Variants in PCDHGC5 observed in about 807,000 individuals in gnomAD.
The protein encoded by PCDHGC5 is protocadherin gamma-C5.
In PCDHGC5, 25 loss-of-function variants were observed where a neutral mutation model predicts 59.0. The ratio of observed to expected loss-of-function variants is 0.42; its 90% confidence interval spans 0.31 to 0.59. PCDHGC5 has a LOEUF of 0.59. PCDHGC5 is among the 20% of genes least tolerant of loss of function. The probability of loss-of-function intolerance (pLI) is 0.13; values close to 1 mark genes in which losing one functional copy is unlikely to be tolerated. For synonymous variants in PCDHGC5, 434 were observed against 505.5 expected (o/e 0.86, Z 1.90); for missense variants, 1,067 against 1,206.4 (o/e 0.88, Z 1.71).
chr5:141,489,425 G>T lies in PCDHGC5; in HGVS notation c.185G>T (p.Arg62Leu), dbSNP rs779739693. 6.2e-7 allele frequency: 1 copy of T among 1,614,118 alleles called. No homozygotes were observed. The highest frequency in any genetic ancestry group is 8.5e-7 in the Non-Finnish European group (1 of 1,180,030). The stretch of plus-strand genomic sequence containing the variant: ...TTAAAGATGACAGATCTGTTGAGCC[G>T]GCGGCTGCAATTGGGCTCTGAGGAG... Reference protein sequence around the residue: ...LGLKMTDLLSRRLQLGSEENG... With the variant: ...LGLKMTDLLSLRLQLGSEENG... Residue 62 changes from arginine to leucine, a missense_variant, in exon 1 of 4, where the codon CGG becomes CTG. Arg to Leu is a moderately radical substitution (Grantham distance 102, BLOSUM62 -2). Transcript: ENST00000252087. This position sits in a 1 kb window ranked among gnomAD's most constrained non-coding sequence, Gnocchi z 4.5.
At position 141,494,854 on chromosome 5, in the gene PCDHGC5, C is replaced by T. The variant is rs1353498253; in HGVS notation, c.2508C>T (p.Pro836=). ...TDWRFSQAQR[P]GTSGSQNGDD... The stretch of plus-strand genomic sequence containing the variant: ...GGCGTTTCTCTCAGGCCCAGAGACC[C>T]GGCACCAGCGGGTAGGTGACTGATT... The change falls in exon 2 of 4, where the codon CCC becomes CCT. Residue 836 remains proline (P), a synonymous_variant. Coordinates refer to ENST00000252087, the MANE Select transcript of PCDHGC5 (RefSeq NM_018929.3). 1.2e-6 allele frequency: 2 copies of T among 1,614,120 alleles called. No homozygotes were observed. Among genetic ancestry groups the T allele is most frequent in the East Asian group, 2.2e-5 (1 of 44,870 alleles).
At position 141,510,228 on chromosome 5, in the gene PCDHGC5, G is replaced by A. The variant is rs529723748; in HGVS notation, c.2609-719G>A. The stretch of plus-strand genomic sequence containing the variant: ...GCAGAGGTTGCAGTGAGCCGGGATC[G>A]CGCCACTGCACTCCAGGCTGGGCGA... On this transcript the variant is annotated intron_variant, in intron 3 of 3. Coordinates refer to ENST00000252087, the MANE Select transcript of PCDHGC5 (RefSeq NM_018929.3). Among the ~76,000 whole-genome samples the A allele has an allele frequency of 1.4e-3, 208 of 150,722 alleles. 1 individual carries two copies. Among genetic ancestry groups the A allele is most frequent in the African/African-American group, 4.7e-3 (193 of 40,860 alleles).
rs2233605 is a variant in PCDHGC5 at position 141,490,412 on chromosome 5, C to A, written c.1172C>A (p.Pro391Gln). ...GGTGAAGTGAGCCTTGATATCTCTC[C>A]GGACCTGCCATTTCAGATTAAGCCT... ...RNGEVSLDIS[P>Q]DLPFQIKPSE... is the part of the protein sequence containing the mutation. Residue 391 changes from proline (P) to glutamine (Q), a missense_variant, in exon 1 of 4, where the codon CCG becomes CAG. Transcript: ENST00000252087. This position sits in a 1 kb window ranked among gnomAD's most constrained non-coding sequence, Gnocchi z 5.4. 1.3e-4 allele frequency: 203 copies of A among 1,614,064 alleles called. 1 individual carries two copies. The highest frequency in any genetic ancestry group is 3.5e-4 in the South Asian group (32 of 91,086).
intron 1 of PCDHGC5, among the ~76,000 whole-genome samples, chr5:141,492,781 T>C (rs945023154): frequency 9.9e-5 from 15 of 152,194 alleles, no homozygotes; most frequent in African/African-American, 3.6e-4. Flanking sequence ...TGAGTGAGCC[T>C]CTATAGGACA....
chr5:141,495,545 A>G (rs1174346915), intron 2 of PCDHGC5, among the ~76,000 whole-genome samples: 3 of 151,824 alleles, frequency 2.0e-5, no homozygotes, highest in Non-Finnish European at 4.4e-5. Flanking sequence ...CTCAGTCTCT[A>G]TCTCGCTTTG....
chr5:141,489,915 C>T lies in PCDHGC5; in HGVS notation c.675C>T (p.Thr225=), dbSNP rs971312502. Residue 225 remains threonine, a synonymous_variant, in exon 1 of 4, where the codon ACC becomes ACT. Coordinates refer to ENST00000252087, the MANE Select transcript of PCDHGC5 (RefSeq NM_018929.3). This position sits in a 1 kb window ranked among gnomAD's most constrained non-coding sequence, Gnocchi z 4.5. The part of the protein sequence containing the change: ...VDGGTPARSG[T]TLISVIVLDI... ...GGGGGACCCCAGCCCGCTCAGGGAC[C>T]ACCCTTATCTCTGTCATCGTGCTGG... The T allele has an allele frequency of 6.2e-7, 1 of 1,614,242 alleles. No individual in the cohort carries two copies. Among genetic ancestry groups the T allele is most frequent in the Non-Finnish European group, 8.5e-7 (1 of 1,180,044 alleles).
chr5:141,493,908 G>A lies in PCDHGC5; in HGVS notation c.2461-899G>A, dbSNP rs1308946115. ...CTAGGAGTGCTCCATGAGAGTGTGT[G>A]ATGGGATAACACACCCCCTGGAAAG... On this transcript the variant is annotated intron_variant, in intron 1 of 3. Transcript: ENST00000252087. This position sits in a 1 kb window ranked among gnomAD's most constrained non-coding sequence, Gnocchi z 4.3. Among the ~76,000 whole-genome samples the A allele has an allele frequency of 6.6e-6, 1 of 152,208 alleles. No homozygotes were observed. The highest frequency in any genetic ancestry group is 1.5e-5 in the Non-Finnish European group (1 of 68,032).
At position 141,511,108 on chromosome 5, in the gene PCDHGC5, G is replaced by A; in HGVS notation, c.2770G>A (p.Asp924Asn). The A allele has an allele frequency of 6.2e-7, 1 of 1,614,244 alleles. No homozygotes were observed. The highest frequency in any genetic ancestry group is 2.2e-5 in the East Asian group (1 of 44,882). Residue 924 changes from aspartate (D) to asparagine (N), a missense_variant, in exon 4 of 4, where the codon GAT (aspartate) becomes AAT (asparagine). Physicochemically the swap from Asp to Asn is conservative, Grantham distance 23. Coordinates refer to ENST00000252087, the MANE Select transcript of PCDHGC5 (RefSeq NM_018929.3). ...ATLTNAAGKR[D>N]GKAPAGGNGN... Reference sequence around the variant, plus strand: ...ACTGACCAACGCAGCTGGCAAGCGGGATGGCAAGGCCCCAGCAGGTGGCAA... The same window carrying A: ...ACTGACCAACGCAGCTGGCAAGCGGAATGGCAAGGCCCCAGCAGGTGGCAA...
At chr5:141,506,668 C>A (rs2099855518) in intron 3 of PCDHGC5, among the ~76,000 whole-genome samples, 1 of 152,100 alleles carries the variant, frequency 6.6e-6, no homozygotes, top group Admixed American at 6.6e-5. Context: ...AGTAAGGGCA[C>A]AATATATTAT....
chr5:141,493,694 G>A lies in PCDHGC5; in HGVS notation c.2461-1113G>A, dbSNP rs929897875. On this transcript the variant is annotated intron_variant, in intron 1 of 3. Transcript: ENST00000252087. This position sits in a 1 kb window ranked among gnomAD's most constrained non-coding sequence, Gnocchi z 4.3. ...CCCCAGAATGGTGCTGGTGACTCCC[G>A]ATACACCTGGAATGCTAGGTTTCTG... Among the ~76,000 whole-genome samples the A allele has an allele frequency of 5.9e-5, 9 of 152,130 alleles. No individual in the cohort carries two copies. Among genetic ancestry groups the A allele is most frequent in the African/African-American group, 9.7e-5 (4 of 41,404 alleles).
At chr5:141,499,300 C>G (rs2154592463) in intron 2 of PCDHGC5, among the ~76,000 whole-genome samples, 1 of 152,292 alleles carries the variant, frequency 6.6e-6, no homozygotes, top group South Asian at 2.1e-4. Context: ...ACTACCATCC[C>G]TCCTCTGAGA....
chr5:141,497,104 T>C (rs757158984), intron 2 of PCDHGC5, among the ~76,000 whole-genome samples: 44 of 151,910 alleles, frequency 2.9e-4, no homozygotes, highest in Non-Finnish European at 5.9e-4. Context: ...CAGAACTGCT[T>C]GAACCCGGAA....
At chr5:141,497,284 A>G (rs1486878285) in intron 2 of PCDHGC5, among the ~76,000 whole-genome samples, 1 of 152,104 alleles carries the variant, frequency 6.6e-6, no homozygotes, top group South Asian at 2.1e-4. Context: ...TGTTCCCTCT[A>G]CCTACCACCA....
chr5:141,497,831 C>T (rs1336808833), intron 2 of PCDHGC5, among the ~76,000 whole-genome samples: 1 of 152,162 alleles, frequency 6.6e-6, no homozygotes, highest in Non-Finnish European at 1.5e-5. Flanking sequence ...TGATCGCCCC[C>T]GGCCACAACA....
chr5:141,511,695 C>A lies in PCDHGC5; in HGVS notation c.*522C>A, dbSNP rs1009832192. The A allele has an allele frequency of 9.7e-5, 19 of 195,544 alleles. No individual in the cohort carries two copies. The highest frequency in any genetic ancestry group is 1.7e-4 in the Non-Finnish European group (16 of 92,634). 12.1% of individuals were successfully genotyped at this position (195,544 alleles called of 1,614,324 possible). A position where few individuals can be genotyped will look rare whatever the true frequency, so the allele number is the denominator to read the frequency against. On this transcript the variant is annotated 3_prime_UTR_variant, in exon 4 of 4. Transcript: ENST00000252087. ...CTTCCCCCAAAGCATGGTTTGGTGC[C>A]AGCCCCTTCACCTCCTTCCAGAGCC...
At position 141,491,299 on chromosome 5, in the gene PCDHGC5, C is replaced by T. The variant is rs777271881; in HGVS notation, c.2059C>T (p.Arg687Cys). ...TGACTTCCTCATACACCCTCCTGAG[C>T]GTTCAGACCTTACCCTTTACCTCAT... The part of the protein sequence containing the change: ...SSDFLIHPPE[R>C]SDLTLYLIVA... The change falls in exon 1 of 4, where the codon CGT becomes TGT. Residue 687 changes from arginine to cysteine, a missense_variant. By Grantham distance (180) the Arg-to-Cys change is radical. Transcript: ENST00000252087. This position sits in a 1 kb window ranked among gnomAD's most constrained non-coding sequence, Gnocchi z 6.9. 3.7e-6 allele frequency: 6 copies of T among 1,614,068 alleles called. No individual in the cohort carries two copies. Among genetic ancestry groups the T allele is most frequent in the Non-Finnish European group, 5.1e-6 (6 of 1,179,896 alleles).
In PCDHGC5 at chr5:141,490,007, C is replaced by T. The variant is rs766407642; in HGVS notation, c.767C>T (p.Pro256Leu). Residue 256 changes from proline to leucine, a missense_variant, in exon 1 of 4, where the codon CCC becomes CTC. Coordinates refer to ENST00000252087, the MANE Select transcript of PCDHGC5 (RefSeq NM_018929.3). The surrounding 1 kb of genome is among the most constrained non-coding windows in gnomAD (Gnocchi z 5.4). ...VLRVGIPENAPIGTLLLRLNA... is the reference protein window; with the variant it reads ...VLRVGIPENALIGTLLLRLNA... ...CGTGTGGGAATCCCAGAGAATGCACCCATTGGTACTCTGCTGCTCCGCCTC... is the reference window on the plus strand; with the variant it reads ...CGTGTGGGAATCCCAGAGAATGCACTCATTGGTACTCTGCTGCTCCGCCTC... 6.2e-7 allele frequency: 1 copy of T among 1,614,200 alleles called. No homozygotes were observed. The highest frequency in any genetic ancestry group is 8.5e-7 in the Non-Finnish European group (1 of 1,180,016).
rs753473913 is a variant in PCDHGC5 at position 141,503,323 on chromosome 5, G to A, written c.2520-2070G>A. On this transcript the variant is annotated intron_variant, in intron 2 of 3. Transcript: ENST00000252087. The stretch of plus-strand genomic sequence containing the variant: ...CTCAAGAAAGAATTGTTGGAGGGGC[G>A]CGGTGGCTCACGCCTGTAATTCCAG... Among the ~76,000 whole-genome samples the A allele has an allele frequency of 2.0e-5, 3 of 152,214 alleles. No individual in the cohort carries two copies. In the Middle Eastern group the frequency reaches 0.01, roughly 518 times the overall value.
At chr5:141,503,004 C>T (rs114294610) in intron 2 of PCDHGC5, among the ~76,000 whole-genome samples, 5,013 of 145,894 alleles carry the variant, frequency 0.034, 127 homozygotes, top group South Asian at 0.076. Context: ...CCACCATGCC[C>T]GGTTAATTTT....
Sources: allele counts gnomAD v4.1 joint callset (sites outside exome capture counted in the v4.1 genomes callset), GRCh38; gene constraint gnomAD v4.1.1; non-coding constraint Gnocchi (gnomAD v3.1); transcripts MANE v1.5; gene names NCBI Gene and HGNC (gene_info 2026-07-23, HGNC 2026-07-21).